EVL: variants seen among roughly 807,000 people sequenced by gnomAD.
EVL encodes the protein ena/VASP-like protein.
In EVL, 21 loss-of-function variants were observed where a neutral mutation model predicts 59.6. That is an observed-to-expected ratio of 0.35 (90% CI 0.25 to 0.51). The LOEUF (loss-of-function observed/expected upper bound fraction) is 0.51. Among genes scored for constraint, EVL ranks in the 20% least tolerant of loss-of-function variants. The pLI is 0.97. For synonymous variants in EVL, 198 were observed against 203.5 expected (o/e 0.97, Z 0.23); for missense variants, 462 against 546.6 (o/e 0.85, Z 1.54).
chr14:100,004,242 C>T (rs1443684865), intron 1 of EVL, among the ~76,000 whole-genome samples: 1 of 152,104 alleles, frequency 6.6e-6, no homozygotes, highest in Non-Finnish European at 1.5e-5. Flanking sequence ...CAAATGTTAG[C>T]ATCAGGCCAC....
chr14:100,121,770 G>A (rs1887714121), intron 3 of EVL, among the ~76,000 whole-genome samples: 1 of 152,168 alleles, frequency 6.6e-6, no homozygotes, highest in African/African-American at 2.4e-5. Flanking sequence ...GCTGCCATCG[G>A]GGTCCTGACA....
At chr14:100,061,898 A>G (rs1040054252), upstream of EVL, among the ~76,000 whole-genome samples, 1 of 151,998 alleles carries the variant, frequency 6.6e-6, no homozygotes, top group Non-Finnish European at 1.5e-5. Context: ...TTCACATTGA[A>G]TAGGCTGAGG....
At chr14:100,011,863 A>G (rs146108073) in intron 1 of EVL, among the ~76,000 whole-genome samples, 1 of 152,348 alleles carries the variant, frequency 6.6e-6, no homozygotes, top group Non-Finnish European at 1.5e-5. Flanking sequence ...TGTTAATAGT[A>G]CTACTGTTGA....
At chr14:100,022,589 C>T (rs75639693) in intron 1 of EVL, among the ~76,000 whole-genome samples, 1 of 152,000 alleles carries the variant, frequency 6.6e-6, no homozygotes, top group East Asian at 1.9e-4. Flanking sequence ...TGGCCACATT[C>T]GTTTTTAAAA....
intron 1 of EVL, among the ~76,000 whole-genome samples, chr14:99,996,941 C>T (rs771083308): frequency 2.0e-5 from 3 of 152,308 alleles, no homozygotes; most frequent in Admixed American, 6.5e-5. Context: ...TGAGCCACTG[C>T]GCTCGGCCTA....
intron 1 of EVL, among the ~76,000 whole-genome samples, chr14:100,003,283 T>C (rs1333039819): frequency 5.9e-5 from 9 of 152,228 alleles, no homozygotes. Context: ...GCTATCACTG[T>C]TTAACATTTA....
intron 1 of EVL, among the ~76,000 whole-genome samples, chr14:100,007,660 C>T (rs1036167773): frequency 6.6e-6 from 1 of 152,174 alleles, no homozygotes; most frequent in Non-Finnish European, 1.5e-5. Flanking sequence ...CAAAGTGTGT[C>T]GGCTTGCCTT....
rs775529615 is a variant in EVL, at chr14:100,128,537, G to C, written c.506G>C (p.Gly169Ala). The change falls in exon 6 of 14, where the codon GGA becomes GCA. Residue 169 changes from glycine (G) to alanine (A), a missense_variant. By Grantham distance (60) the Gly-to-Ala change is moderately conservative. Coordinates refer to ENST00000392920, the MANE Select transcript of EVL (RefSeq NM_016337.3). Reference protein sequence around the residue: ...TSATGPILPPGHPSSAASAPV... With the variant: ...TSATGPILPPAHPSSAASAPV... ...GTTTCAGGGCCCATCCTCCCACCAG[G>C]ACATCCTTCATCTGCAGCCAGCGCC... 6.2e-7 allele frequency: 1 copy of C among 1,611,628 alleles called. No individual in the cohort carries two copies. Among genetic ancestry groups the C allele is most frequent in the Admixed American group, 1.7e-5 (1 of 60,002 alleles).
intron 1 of EVL, among the ~76,000 whole-genome samples, chr14:100,038,479 T>G (rs1445331381): frequency 6.6e-6 from 1 of 152,184 alleles, no homozygotes; most frequent in Non-Finnish European, 1.5e-5. Context: ...GCCCACGTGG[T>G]CTGGACAGCC....
chr14:100,141,284 G>A (rs776161353), intron 12 of EVL, 38 bp downstream of exon 12: 272 of 1,609,532 alleles, frequency 1.7e-4, no homozygotes, highest in Non-Finnish European at 2.1e-4. Context: ...AGAGGCTGAG[G>A]GCAGCCAGCA....
chr14:100,019,750 G>C (rs2061087780), intron 1 of EVL: 2 of 1,462,682 alleles, frequency 1.4e-6, no homozygotes. Context: ...GGTTTTTGCT[G>C]TGTAATGACA....
chr14:100,078,397 G>A (rs2062212605), intron 1 of EVL, among the ~76,000 whole-genome samples: 1 of 152,178 alleles, frequency 6.6e-6, no homozygotes, highest in African/African-American at 2.4e-5. Context: ...AAGGAGGAGA[G>A]GTTTTCAGAA....
intron 1 of EVL, among the ~76,000 whole-genome samples, chr14:100,017,188 T>A (rs1346601587): frequency 6.6e-6 from 1 of 152,226 alleles, no homozygotes; most frequent in Non-Finnish European, 1.5e-5. Context: ...TAAAATGAGC[T>A]TGGTGCTGGG....
chr14:100,026,292 G>C (rs934580501), intron 1 of EVL, among the ~76,000 whole-genome samples: 4 of 151,336 alleles, frequency 2.6e-5, no homozygotes, highest in African/African-American at 9.7e-5. Flanking sequence ...GCATACAGTA[G>C]GTATCTAATA....
intron 1 of EVL, among the ~76,000 whole-genome samples, chr14:100,020,005 C>G (rs2061092978): frequency 6.6e-6 from 1 of 152,190 alleles, no homozygotes; most frequent in African/African-American, 2.4e-5. Flanking sequence ...AACTGTGTGT[C>G]CAGAATGAGT....
intron 1 of EVL, among the ~76,000 whole-genome samples, chr14:100,037,607 T>C (rs1466118560): frequency 6.6e-6 from 1 of 152,214 alleles, no homozygotes; most frequent in Non-Finnish European, 1.5e-5. Context: ...TCAGCAGTGT[T>C]TGCTAAATGT....
intron 1 of EVL, among the ~76,000 whole-genome samples, chr14:100,054,768 G>A (rs1269596655): frequency 1.3e-5 from 2 of 152,084 alleles, no homozygotes; most frequent in Admixed American, 1.3e-4. Context: ...GTTGTGCTGT[G>A]CCTCTTATTT....
At chr14:100,022,260 G>A (rs1427473788) in intron 1 of EVL, among the ~76,000 whole-genome samples, 1 of 151,456 alleles carries the variant, frequency 6.6e-6, no homozygotes, top group Non-Finnish European at 1.5e-5. Context: ...GCAGAAGGAA[G>A]GGCCACATTC....
At chr14:100,026,769 C>T (rs1468489535) in intron 1 of EVL, among the ~76,000 whole-genome samples, 1 of 152,220 alleles carries the variant, frequency 6.6e-6, no homozygotes, top group Admixed American at 6.5e-5. Flanking sequence ...CTACTGCTGA[C>T]AGCATACTCT....
Sources: allele counts gnomAD v4.1 joint callset (sites outside exome capture counted in the v4.1 genomes callset), GRCh38; gene constraint gnomAD v4.1.1; transcripts MANE v1.5; gene names NCBI Gene and HGNC (gene_info 2026-07-23, HGNC 2026-07-21).